The following CNTN5 variants were observed in gnomAD, a reference collection of about 807,000 sequenced individuals.
The protein encoded by CNTN5 is contactin 5.
Under a neutral mutation model 129.1 loss-of-function variants are expected in CNTN5, and 77 were observed. That is an observed-to-expected ratio of 0.60 (90% confidence interval 0.50 to 0.72). CNTN5 has a LOEUF of 0.72. Among genes scored for constraint, CNTN5 ranks in the 30% least tolerant of loss-of-function variants. The pLI is 0.00. For synonymous variants in CNTN5, 509 were observed against 465.6 expected (o/e 1.09, Z -1.20); for missense variants, 1,478 against 1,328.8 (o/e 1.11, Z -1.75).
intron 3 of CNTN5, among the ~76,000 whole-genome samples, chr11:99,795,375 TC>T (rs1368571325): frequency 6.6e-6 from 1 of 152,206 alleles, no homozygotes; most frequent in Non-Finnish European, 1.5e-5. Flanking sequence ...CTCCTGAATC[TC>T]AGTGATCTTT....
chr11:99,504,651 T>G (rs1204099708), intron 2 of CNTN5, among the ~76,000 whole-genome samples: 1 of 152,216 alleles, frequency 6.6e-6, no homozygotes, highest in Non-Finnish European at 1.5e-5. Flanking sequence ...GTATATATTT[T>G]TAATAGAACT....
chr11:99,398,773 C>T (rs1178021400), intron 2 of CNTN5, among the ~76,000 whole-genome samples: 1 of 151,754 alleles, frequency 6.6e-6, no homozygotes, highest in Non-Finnish European at 1.5e-5. Context: ...TCTTTGGTTG[C>T]CTTCAGTTTT....
intron 23 of CNTN5, among the ~76,000 whole-genome samples, chr11:100,346,773 G>A (rs552461854): frequency 1.6e-4 from 25 of 152,162 alleles, no homozygotes; most frequent in South Asian, 1.0e-3. Context: ...CATCAATACC[G>A]TAATAGTCCA....
At chr11:99,393,150 T>C (rs1246022825) in intron 2 of CNTN5, among the ~76,000 whole-genome samples, 1 of 151,734 alleles carries the variant, frequency 6.6e-6, no homozygotes, top group Non-Finnish European at 1.5e-5. Context: ...AGGGCAGAAA[T>C]TGTCCAGAAA....
At chr11:99,851,506 G>A (rs1947872341) in intron 6 of CNTN5, among the ~76,000 whole-genome samples, 1 of 152,144 alleles carries the variant, frequency 6.6e-6, no homozygotes, top group Admixed American at 6.5e-5. Flanking sequence ...ACATCCTTCA[G>A]AAATCCAAAG....
At chr11:99,181,222 C>T (rs1432071822) in intron 1 of CNTN5, among the ~76,000 whole-genome samples, 1 of 152,136 alleles carries the variant, frequency 6.6e-6, no homozygotes, top group African/African-American at 2.4e-5. Context: ...AAGTGCATCT[C>T]CCCGTCCAAG....
chr11:99,363,880 C>G (rs1476501828), intron 2 of CNTN5, among the ~76,000 whole-genome samples: 1 of 152,080 alleles, frequency 6.6e-6, no homozygotes, highest in African/African-American at 2.4e-5. Context: ...GACGCTATCA[C>G]TAGTCCTGTT....
At chr11:99,383,968 G>T (rs1940764257) in intron 2 of CNTN5, among the ~76,000 whole-genome samples, 1 of 152,132 alleles carries the variant, frequency 6.6e-6, no homozygotes. Flanking sequence ...CAGCCTCCAA[G>T]AAAGAGTATT....
chr11:99,849,423 T>G (rs1947804757), intron 6 of CNTN5, among the ~76,000 whole-genome samples: 1 of 151,766 alleles, frequency 6.6e-6, no homozygotes, highest in African/African-American at 2.4e-5. Context: ...ATGCTAGGAG[T>G]ACTCTTATTA....
At chr11:99,212,496 A>C (rs1162023194) in intron 1 of CNTN5, among the ~76,000 whole-genome samples, 1 of 152,178 alleles carries the variant, frequency 6.6e-6, no homozygotes. Context: ...TCTTCTGCTT[A>C]AATGATTTCA....
At chr11:99,873,570 T>C (rs552619160) in intron 6 of CNTN5, among the ~76,000 whole-genome samples, 1 of 151,984 alleles carries the variant, frequency 6.6e-6, no homozygotes, top group African/African-American at 2.4e-5. Flanking sequence ...ACAACAGATA[T>C]TGGCATGGAT....
chr11:99,849,982 T>G (rs1250736862), intron 6 of CNTN5, among the ~76,000 whole-genome samples: 4 of 152,114 alleles, frequency 2.6e-5, no homozygotes, highest in Non-Finnish European at 5.9e-5. Flanking sequence ...TCCTCAGTCA[T>G]CATTTTAGAA....
At chr11:100,281,315 G>T (rs1057128929) in intron 18 of CNTN5, among the ~76,000 whole-genome samples, 2 of 152,054 alleles carry the variant, frequency 1.3e-5, no homozygotes, top group African/African-American at 4.8e-5. Context: ...TGTCTGGGAA[G>T]CCTTTATTTC....
At chr11:99,371,898 C>T (rs769282459) in intron 2 of CNTN5, among the ~76,000 whole-genome samples, 19 of 152,246 alleles carry the variant, frequency 1.2e-4, no homozygotes, top group African/African-American at 2.9e-4. Context: ...TGCCCATTTT[C>T]GATGGTGTGT....
At chr11:100,030,067 TTTAC>T (rs1387916116) in intron 9 of CNTN5, among the ~76,000 whole-genome samples, 1 of 152,106 alleles carries the variant, frequency 6.6e-6, no homozygotes, top group Non-Finnish European at 1.5e-5. Context: ...TTTTTAACCA[TTTAC>T]CAAATAGTAA....
chr11:99,818,227 T>C (rs908926106), intron 3 of CNTN5, among the ~76,000 whole-genome samples: 1 of 152,022 alleles, frequency 6.6e-6, no homozygotes, highest in African/African-American at 2.4e-5. Flanking sequence ...CAATGATTAT[T>C]AAGTTTAAAG....
intron 1 of CNTN5, among the ~76,000 whole-genome samples, chr11:99,036,567 A>G (rs552846773): frequency 6.6e-6 from 1 of 152,256 alleles, no homozygotes; most frequent in South Asian, 2.1e-4. Flanking sequence ...ATTCTTAGTT[A>G]TGAATTTTAT....
chr11:99,180,921 G>C (rs1038117132), intron 1 of CNTN5, among the ~76,000 whole-genome samples: 12 of 152,310 alleles, frequency 7.9e-5, no homozygotes, highest in Non-Finnish European at 1.8e-4. Flanking sequence ...GCTGCGGTAC[G>C]CATATCTAAT....
chr11:99,184,165 C>T (rs1262582389), intron 1 of CNTN5, among the ~76,000 whole-genome samples: 1 of 152,026 alleles, frequency 6.6e-6, no homozygotes, highest in Non-Finnish European at 1.5e-5. Flanking sequence ...AAGTATTTGT[C>T]ACCCCCTTAG....
Sources: gnomAD v4.1 joint callset for allele counts (sites outside exome capture counted in the v4.1 genomes callset) on GRCh38, gnomAD v4.1.1 for gene constraint, MANE v1.5 for transcripts, NCBI Gene and HGNC (gene_info 2026-07-23, HGNC 2026-07-21) for gene names.